The following CENPC variants were observed in gnomAD, a reference collection of about 807,000 sequenced individuals.
The protein encoded by CENPC is centromere protein C, also known as CENP-C 1.
In CENPC, 63 loss-of-function variants were observed where a neutral mutation model predicts 112.1. That is an observed-to-expected ratio of 0.56 (90% CI 0.46 to 0.69). The LOEUF (loss-of-function observed/expected upper bound fraction) is 0.69, where lower values mean the gene tolerates loss of function less well. Among genes scored for constraint, CENPC ranks in the 30% least tolerant of loss-of-function variants. CENPC has a pLI of 0.00. For synonymous variants in CENPC, 333 were observed against 367.6 expected, an observed-to-expected ratio of 0.91 and a Z score of 1.08; for missense variants, 1,000 against 1,103.8, an observed-to-expected ratio of 0.91 and a Z score of 1.33.
Position 67,545,367 on chromosome 4 carries a change from G to T in CENPC, c.-12C>A. 1 of 1,522,440 alleles carries T rather than the reference G, an allele frequency of 6.6e-7. No homozygotes were observed. Among genetic ancestry groups the T allele is most frequent in the Non-Finnish European group, 8.8e-7 (1 of 1,131,612 alleles). The allele number at this position is 1,522,440 out of a possible 1,614,324, so 94.3% of individuals were successfully genotyped here. On this transcript the variant is annotated 5_prime_UTR_variant, in exon 1 of 19. Coordinates refer to ENST00000273853, the MANE Select transcript of CENPC (RefSeq NM_001812.4). ...CCGGACGCAGCCATGTTCCGGCCCC[G>T]CTGAGCCAGCGCAACTGTCTGAGGT...
At chr4:67,481,047 T>C (rs1296205306) in intron 17 of CENPC, among the ~76,000 whole-genome samples, 2 of 152,162 alleles carry the variant, frequency 1.3e-5, no homozygotes, top group Non-Finnish European at 2.9e-5. Flanking sequence ...TAGAAAACCC[T>C]AGACTCATCC....
intron 11 of CENPC, among the ~76,000 whole-genome samples, chr4:67,506,324 T>C (rs889311143): frequency 6.6e-6 from 1 of 152,170 alleles, no homozygotes; most frequent in Non-Finnish European, 1.5e-5. Context: ...ATGAACAGAA[T>C]AAAGTAGAAA....
At chr4:67,489,410 A>ACC (rs1725178762) in intron 17 of CENPC, among the ~76,000 whole-genome samples, 1 of 89,976 alleles carries the variant, frequency 1.1e-5, no homozygotes, top group Non-Finnish European at 2.4e-5. Flanking sequence ...TGAAGCAACT[A>ACC]GCTTAGTCCT....
At chr4:67,478,362 C>T (rs1724862977) in intron 17 of CENPC, among the ~76,000 whole-genome samples, 1 of 152,098 alleles carries the variant, frequency 6.6e-6, no homozygotes, top group Admixed American at 6.6e-5. Flanking sequence ...TCAGCAGAAA[C>T]CCTACAAGCT....
intron 6 of CENPC, 105 bp downstream of exon 6, chr4:67,519,112 C>A: frequency 1.3e-6 from 1 of 786,476 alleles, no homozygotes; most frequent in Non-Finnish European, 2.0e-6. Context: ...TGTTAATATT[C>A]CTCCTTCCTT....
chr4:67,539,080 T>C (rs374761212), intron 4 of CENPC, among the ~76,000 whole-genome samples: 2 of 152,298 alleles, frequency 1.3e-5, no homozygotes, highest in African/African-American at 4.8e-5. Flanking sequence ...GATGCAAACA[T>C]CTTCAATATT....
intron 12 of CENPC, among the ~76,000 whole-genome samples, chr4:67,497,852 T>C (rs932053972): frequency 2.0e-5 from 3 of 151,762 alleles, no homozygotes; most frequent in Admixed American, 6.6e-5. Context: ...TATACTATAC[T>C]ATAGTCTATT....
At chr4:67,499,859 T>C (rs1725544014) in intron 12 of CENPC, among the ~76,000 whole-genome samples, 1 of 152,178 alleles carries the variant, frequency 6.6e-6, no homozygotes. Context: ...ACTCTTTCTT[T>C]TACTTGAACA....
chr4:67,470,908 T>A lies in CENPC; in HGVS notation c.*1697A>T, dbSNP rs1400959522. The A allele has an allele frequency of 6.6e-6, 1 of 152,300 alleles. No homozygotes were observed. Among genetic ancestry groups the A allele is most frequent in the African/African-American group, 2.4e-5 (1 of 41,454 alleles). 9.4% of individuals were successfully genotyped at this position (152,300 alleles called of 1,614,324 possible). ...GAAGAGCAACAGAGCAGCCAGACAT[T>A]TAACAAGGTCCTGGAAACAGAAGGG... On this transcript the variant is annotated 3_prime_UTR_variant, in exon 19 of 19. Coordinates refer to ENST00000273853, the MANE Select transcript of CENPC (RefSeq NM_001812.4).
chr4:67,504,973 G>A lies in CENPC; in HGVS notation c.2131+232C>T, dbSNP rs1577986578. The A allele has an allele frequency of 2.8e-5, 14 of 503,556 alleles. No individual in the cohort carries two copies. In the East Asian group the frequency reaches 4.9e-4, roughly 18 times the overall value. The allele number at this position is 503,556 out of a possible 1,614,324, so 31.2% of individuals were successfully genotyped here. On this transcript the variant is annotated intron_variant, in intron 12 of 18. Transcript: ENST00000273853. ...ATTAGCTTAACAATTTTAAATACTG[G>A]AGTAGACACCTTAAGTGCCAATATT... is the stretch of plus-strand genomic sequence containing the variant.
chr4:67,485,563 A>T (rs1198779716), intron 17 of CENPC, among the ~76,000 whole-genome samples: 1 of 152,160 alleles, frequency 6.6e-6, no homozygotes, highest in African/African-American at 2.4e-5. Context: ...GTGCCCTTAT[A>T]AGAGACACAG....
intron 6 of CENPC, among the ~76,000 whole-genome samples, 190 bp from the exon 7 acceptor site, chr4:67,518,558 G>T (rs922696536): frequency 1.3e-5 from 2 of 152,032 alleles, no homozygotes; most frequent in African/African-American, 4.8e-5. Context: ...ATTAACTTTT[G>T]TATTTATCAA....
rs17554730 is a variant in CENPC at position 67,518,539 on chromosome 4, C to G, written c.618-171G>C. Among the ~76,000 whole-genome samples, 466 of 151,944 alleles carry G rather than the reference C, an allele frequency of 3.1e-3. 4 individuals carry two copies. The highest frequency in any genetic ancestry group is 0.01 in the Middle Eastern group (3 of 294). Reference sequence around the variant, plus strand: ...CATTCCAAATACATAAGATAAACTGCTCAGGAAAATTAACTTTTGTATTTA... The same window carrying G: ...CATTCCAAATACATAAGATAAACTGGTCAGGAAAATTAACTTTTGTATTTA... On this transcript the variant is annotated intron_variant, in intron 6 of 18. Coordinates refer to ENST00000273853, the MANE Select transcript of CENPC (RefSeq NM_001812.4).
chr4:67,490,218 A>G, intron 16 of CENPC, 97 bp from the exon 17 acceptor site: 1 of 824,190 alleles, frequency 1.2e-6, no homozygotes, highest in Non-Finnish European at 1.7e-6. Context: ...ATTTCTGGAT[A>G]TAAATCTGCC....
At chr4:67,478,417 T>C (rs1724863983) in intron 17 of CENPC, among the ~76,000 whole-genome samples, 1 of 152,054 alleles carries the variant, frequency 6.6e-6, no homozygotes, top group African/African-American at 2.4e-5. Flanking sequence ...AATAAAACAA[T>C]TATCAGCCAA....
In CENPC at chr4:67,506,782, G is replaced by T. The variant is rs777682498; in HGVS notation, c.2051+6C>A. 4.4e-6 allele frequency: 7 copies of T among 1,581,900 alleles called. No homozygotes were observed. Among genetic ancestry groups the T allele is most frequent in the Admixed American group, 1.8e-5 (1 of 54,906 alleles). On this transcript the variant is annotated splice_donor_region_variant and intron_variant, in intron 11 of 18. Coordinates refer to ENST00000273853, the MANE Select transcript of CENPC (RefSeq NM_001812.4). Reference sequence around the variant, plus strand: ...TACAACTATTATCCTTACAATACACGCATACCTTTCCTCTAAAACTGAAGT... The same window carrying T: ...TACAACTATTATCCTTACAATACACTCATACCTTTCCTCTAAAACTGAAGT...
At chr4:67,496,881 C>T (rs964088264) in intron 12 of CENPC, among the ~76,000 whole-genome samples, 5 of 132,784 alleles carry the variant, frequency 3.8e-5, no homozygotes, top group Non-Finnish European at 8.1e-5. Flanking sequence ...GTGTACCCCC[C>T]ACCCCACCCC....
intron 12 of CENPC, among the ~76,000 whole-genome samples, chr4:67,503,517 C>G (rs948762014): frequency 3.3e-5 from 5 of 152,286 alleles, no homozygotes; most frequent in Admixed American, 6.5e-5. Context: ...CATCCTGCCC[C>G]TTCCAGAAAT....
At chr4:67,486,988 T>C (rs1286700180) in intron 17 of CENPC, among the ~76,000 whole-genome samples, 1 of 141,916 alleles carries the variant, frequency 7.0e-6, no homozygotes, top group African/African-American at 2.6e-5. Context: ...TTTTTTTTCT[T>C]TTTTAAGGCA....
Sources: gnomAD v4.1 joint callset for allele counts (sites outside exome capture counted in the v4.1 genomes callset) on GRCh38, gnomAD v4.1.1 for gene constraint, MANE v1.5 for transcripts, NCBI Gene and HGNC (gene_info 2026-07-23, HGNC 2026-07-21) for gene names.